The following PCDHA2 variants were observed in gnomAD, a reference collection of about 807,000 sequenced individuals.
PCDHA2 encodes protocadherin alpha 2.
Under a neutral mutation model 66.0 loss-of-function variants are expected in PCDHA2, and 58 were observed. That is an observed-to-expected ratio of 0.88 (90% confidence interval 0.71 to 1.09). The LOEUF (loss-of-function observed/expected upper bound fraction) is 1.09, where lower values mean the gene tolerates loss of function less well. PCDHA2 is among the 50% of genes least tolerant of loss of function. PCDHA2 has a pLI of 0.00. For synonymous variants in PCDHA2, 634 were observed against 554.0 expected, an observed-to-expected ratio of 1.14 and a Z score of -2.03; for missense variants, 1,267 against 1,242.3, an observed-to-expected ratio of 1.02 and a Z score of -0.30.
intron 1 of PCDHA2, chr5:140,803,545 G>T (rs777744369): frequency 1.9e-6 from 3 of 1,614,176 alleles, no homozygotes; most frequent in East Asian, 2.2e-5. Flanking sequence ...CCAATTAGCC[G>T]GGATAGAGAG....
intron 1 of PCDHA2, among the ~76,000 whole-genome samples, chr5:140,827,206 A>G (rs1769216387): frequency 6.6e-6 from 1 of 152,196 alleles, no homozygotes; most frequent in South Asian, 2.1e-4. Flanking sequence ...AGTGAGTGAG[A>G]ACAATTAAAG....
At chr5:140,858,645 T>C (rs2045537080) in intron 1 of PCDHA2, 1 of 818,880 alleles carries the variant, frequency 1.2e-6, no homozygotes, top group Non-Finnish European at 1.9e-6. Context: ...TGATTGGTAC[T>C]TAAATTTTTT....
chr5:140,937,413 TTAGA>T (rs781915768), intron 1 of PCDHA2, among the ~76,000 whole-genome samples: 3 of 152,228 alleles, frequency 2.0e-5, no homozygotes, highest in Non-Finnish European at 2.9e-5. Flanking sequence ...ACAACTTTTA[TTAGA>T]TAGCTGATAT....
At position 140,856,679 on chromosome 5, in the gene PCDHA2, T is replaced by C. The variant is rs781823964; in HGVS notation, c.2388+59327T>C. 1.0e-4 allele frequency: 165 copies of C among 1,597,704 alleles called. 10 individuals are homozygous for C. Among genetic ancestry groups the C allele is most frequent in the Non-Finnish European group, 1.4e-4 (162 of 1,167,324 alleles). On this transcript the variant is annotated intron_variant, in intron 1 of 3. Transcript: ENST00000526136. ...AGAAAATCCTCAGCTAAAGTTGTTG[T>C]TGACAGCAACTGATGGAGGCAAACC...
intron 1 of PCDHA2, among the ~76,000 whole-genome samples, chr5:140,897,340 C>A (rs1326802877): frequency 8.1e-6 from 1 of 122,842 alleles, no homozygotes; most frequent in African/African-American, 3.1e-5. Context: ...CCCCTCCCCC[C>A]ACCCCACAAC....
intron 1 of PCDHA2, chr5:140,875,574 C>A (rs368911944): frequency 2.2e-5 from 35 of 1,613,978 alleles, no homozygotes; most frequent in East Asian, 6.7e-5. Context: ...TCCACTACTC[C>A]GTCTACGAGG....
rs781815387 is a variant in PCDHA2, at chr5:140,978,983, C to A, written c.2423C>A (p.Ala808Asp). The part of the protein sequence containing the change: ...RQPNPDWRYS[A>D]SLRAGMHSSV... Reference sequence around the variant, plus strand: ...CCCAACCCTGACTGGCGTTACTCTGCCTCCCTGAGAGCAGGCATGCACAGG... The same window carrying A: ...CCCAACCCTGACTGGCGTTACTCTGACTCCCTGAGAGCAGGCATGCACAGG... Residue 808 changes from alanine (A) to aspartate (D), a missense_variant, in exon 2 of 4, where the codon GCC (alanine) becomes GAC (aspartate). By Grantham distance (126) the Ala-to-Asp change is moderately radical. Transcript: ENST00000526136. 1.6e-5 allele frequency: 26 copies of A among 1,614,142 alleles called. No homozygotes were observed. Among genetic ancestry groups the A allele is most frequent in the Non-Finnish European group, 2.2e-5 (26 of 1,180,024 alleles).
intron 1 of PCDHA2, chr5:140,828,310 C>A (rs2150153849): frequency 1.9e-5 from 31 of 1,614,056 alleles, no homozygotes; most frequent in South Asian, 6.6e-5. Flanking sequence ...ACCGCGAGGA[C>A]CTTCTGGAGG....
At chr5:140,978,473 T>C (rs1401475037) in intron 1 of PCDHA2, among the ~76,000 whole-genome samples, 1 of 152,238 alleles carries the variant, frequency 6.6e-6, no homozygotes, top group Non-Finnish European at 1.5e-5. Flanking sequence ...TCAAATATGC[T>C]GCAGTCTGCA....
At chr5:140,881,347 C>T in intron 1 of PCDHA2, 1 of 985,212 alleles carries the variant, frequency 1.0e-6, no homozygotes, top group Non-Finnish European at 1.2e-6. Context: ...ATTCGGGCTA[C>T]AATGCGTGGC....
chr5:140,964,579 G>A (rs2095841483), intron 1 of PCDHA2, among the ~76,000 whole-genome samples: 1 of 152,090 alleles, frequency 6.6e-6, no homozygotes, highest in Non-Finnish European at 1.5e-5. Flanking sequence ...ATAAGGGGAG[G>A]AAAGATCACT....
At chr5:140,870,686 A>G (rs2052295402) in intron 1 of PCDHA2, 2 of 1,612,732 alleles carry the variant, frequency 1.2e-6, no homozygotes, top group African/African-American at 2.7e-5. Flanking sequence ...GAGGAGCTGG[A>G]GCTGCTACAG....
rs2150270290 is a variant in PCDHA2, at chr5:140,836,802, A to T, written c.2388+39450A>T. ...CAATTAGTTCAATTGGTCTCCTTAA[A>T]TTTTCTTTCATAATTTCTTTTTTAG... is the stretch of plus-strand genomic sequence containing the variant. On this transcript the variant is annotated intron_variant, in intron 1 of 3. Coordinates refer to ENST00000526136, the MANE Select transcript of PCDHA2 (RefSeq NM_018905.3). 6 of 1,309,186 alleles carry T rather than the reference A, an allele frequency of 4.6e-6. No homozygotes were observed. In the African/African-American group the frequency reaches 7.5e-5, roughly 16 times the overall value. 81.1% of individuals were successfully genotyped at this position (1,309,186 alleles called of 1,614,324 possible). A position where few individuals can be genotyped will look rare whatever the true frequency, so the allele number is the denominator to read the frequency against.
intron 1 of PCDHA2, chr5:140,863,133 G>T (rs2047814450): frequency 5.0e-6 from 3 of 600,930 alleles, no homozygotes; most frequent in African/African-American, 1.9e-5. Flanking sequence ...GCCACCGCCT[G>T]CTGGTGCTGG....
At chr5:141,003,680 T>C (rs1167133667) in intron 3 of PCDHA2, among the ~76,000 whole-genome samples, 1 of 152,198 alleles carries the variant, frequency 6.6e-6, no homozygotes, top group African/African-American at 2.4e-5. Flanking sequence ...GTTGTTCTGA[T>C]TTTAAAATAT....
intron 1 of PCDHA2, among the ~76,000 whole-genome samples, chr5:140,936,094 T>C (rs2090766117): frequency 6.6e-6 from 1 of 152,116 alleles, no homozygotes; most frequent in South Asian, 2.1e-4. Flanking sequence ...GGTTTCACCA[T>C]GTTGGCCAGG....
intron 1 of PCDHA2, chr5:140,868,295 T>C (rs569295401): frequency 6.6e-6 from 1 of 152,272 alleles, no homozygotes; most frequent in African/African-American, 2.4e-5. Context: ...AGAATATGAA[T>C]ATATTTGTTT....
intron 1 of PCDHA2, chr5:140,823,128 T>G: frequency 3.7e-6 from 6 of 1,613,702 alleles, no homozygotes; most frequent in South Asian, 1.1e-5. Flanking sequence ...ACGACAACGC[T>G]CCGGCGTTCG....
At chr5:140,877,771 AC>A in intron 1 of PCDHA2, 2 of 1,614,178 alleles carry the variant, frequency 1.2e-6, no homozygotes, top group South Asian at 2.2e-5. Flanking sequence ...CCCGCCCAAG[AC>A]GGACCTCATG....
Sources: allele counts gnomAD v4.1 joint callset (sites outside exome capture counted in the v4.1 genomes callset), GRCh38; gene constraint gnomAD v4.1.1; transcripts MANE v1.5; gene names NCBI Gene and HGNC (gene_info 2026-07-23, HGNC 2026-07-21).